BHMT2: variants seen among roughly 807,000 people sequenced by gnomAD.
BHMT2 encodes S-methylmethionine--homocysteine S-methyltransferase BHMT2.
BHMT2 carries 28 observed loss-of-function variants against 39.0 expected under a neutral mutation model. The ratio of observed to expected loss-of-function variants is 0.72; its 90% CI spans 0.53 to 0.98. The LOEUF is 0.98. Ranked by LOEUF, BHMT2 falls within the 50% of genes least tolerant of loss-of-function variation. BHMT2 has a pLI of 0.00. For synonymous variants in BHMT2, 145 were observed against 160.6 expected, an observed-to-expected ratio of 0.90 and a Z score of 0.74; for missense variants, 410 against 455.6, an observed-to-expected ratio of 0.90 and a Z score of 0.91.
At chr5:79,081,926 G>A (rs1414651905) in intron 4 of BHMT2, among the ~76,000 whole-genome samples, 1 of 152,100 alleles carries the variant, frequency 6.6e-6, no homozygotes, top group East Asian at 1.9e-4. Context: ...GAACTCTACT[G>A]AAAACCTTGC....
At position 79,088,494 on chromosome 5, in the gene BHMT2, G is replaced by C. The variant is rs2112707604; in HGVS notation, c.1012G>C (p.Ala338Pro). 6.2e-7 allele frequency: 1 copy of C among 1,613,292 alleles called. No homozygotes were observed. The highest frequency in any genetic ancestry group is 1.1e-5 in the South Asian group (1 of 91,020). The change falls in exon 8 of 8, where the codon GCT (alanine) becomes CCT (proline). Residue 338 changes from alanine (A) to proline (P), a missense_variant and splice_region_variant. Coordinates refer to ENST00000255192, the MANE Select transcript of BHMT2 (RefSeq NM_017614.5). ...AATTATGTATATATTGAAACACAGGGCTCGAAGGGAGTATTGGGAGAATCT... is the reference window on the plus strand; with the variant it reads ...AATTATGTATATATTGAAACACAGGCCTCGAAGGGAGTATTGGGAGAATCT... ...MHTKPWIRARARREYWENLLP... is the reference protein window; with the variant it reads ...MHTKPWIRARPRREYWENLLP...
intron 7 of BHMT2, among the ~76,000 whole-genome samples, chr5:79,085,839 G>T (rs1414636009): frequency 1.3e-5 from 2 of 152,194 alleles, no homozygotes; most frequent in African/African-American, 2.4e-5. Flanking sequence ...CCAGCGCGCT[G>T]CTTCTCTTTC....
chr5:79,084,476 G>A (rs1191373634), intron 7 of BHMT2, among the ~76,000 whole-genome samples: 1 of 152,070 alleles, frequency 6.6e-6, no homozygotes, highest in Non-Finnish European at 1.5e-5. Flanking sequence ...GTTTCACTAT[G>A]TTACCCAGGC....
chr5:79,069,996 T>C (rs1295087790), intron 1 of BHMT2, among the ~76,000 whole-genome samples, 181 bp downstream of exon 1: 1 of 152,188 alleles, frequency 6.6e-6, no homozygotes, highest in Non-Finnish European at 1.5e-5. Flanking sequence ...GAGCCCTTAC[T>C]CGGTGCCTGG....
At position 79,088,475 on chromosome 5, in the gene BHMT2, GTA is replaced by G; in HGVS notation, c.1011-12_1011-11del. 1 of 1,599,390 alleles carries G rather than the reference GTA, an allele frequency of 6.3e-7. No homozygotes were observed. On this transcript the variant is annotated splice_polypyrimidine_tract_variant and intron_variant, in intron 7 of 7. Coordinates refer to ENST00000255192, the MANE Select transcript of BHMT2 (RefSeq NM_017614.5). ...GTAAGACTTTTAATTAATTAATTAT[GTA>G]TATATTGAAACACAGGGCTCGAAGG...
chr5:79,086,998 ATGTGTG>A (rs376885057), intron 7 of BHMT2, among the ~76,000 whole-genome samples: 16 of 125,390 alleles, frequency 1.3e-4, no homozygotes, highest in African/African-American at 4.9e-4. Flanking sequence ...TTGTGTATGT[ATGTGTG>A]TGTGTGTGTG....
At position 79,089,814 on chromosome 5, in the gene BHMT2, CA is replaced by C. The variant is rs531982930; in HGVS notation, c.*1245del. On this transcript the variant is annotated 3_prime_UTR_variant, in exon 8 of 8. Transcript: ENST00000255192. ...AACCCCATCTCTACTAAATAAAATACAAAAATTATCCAGGCATGGTGGTGCA... is the reference window on the plus strand; with the variant it reads ...AACCCCATCTCTACTAAATAAAATACAAAATTATCCAGGCATGGTGGTGCA... Among the ~76,000 whole-genome samples, 488 of 152,228 alleles carry C rather than the reference CA, an allele frequency of 3.2e-3. 1 individual carries two copies. Among genetic ancestry groups the C allele is most frequent in the Non-Finnish European group, 4.9e-3 (333 of 68,006 alleles).
intron 1 of BHMT2, among the ~76,000 whole-genome samples, chr5:79,075,273 A>G (rs1483151210): frequency 2.6e-5 from 4 of 152,134 alleles, no homozygotes; most frequent in Non-Finnish European, 5.9e-5. Context: ...CTCTGTAAAA[A>G]AGAGTCCCCC....
chr5:79,081,337 T>G (rs144818229), intron 4 of BHMT2, among the ~76,000 whole-genome samples: 1 of 152,314 alleles, frequency 6.6e-6, no homozygotes, highest in East Asian at 1.9e-4. Flanking sequence ...TTCCATAGCC[T>G]TCTCCATCCA....
At chr5:79,082,772 A>G (rs2112701716) in intron 4 of BHMT2, 37 bp from the exon 5 acceptor site, 1 of 1,604,574 alleles carries the variant, frequency 6.2e-7, no homozygotes, top group Non-Finnish European at 8.5e-7. Context: ...AATCTGCTTT[A>G]TGTTTGGACC....
intron 2 of BHMT2, 76 bp from the exon 3 acceptor site, chr5:79,079,293 T>G: frequency 9.0e-7 from 1 of 1,116,370 alleles, no homozygotes; most frequent in Non-Finnish European, 1.3e-6. Flanking sequence ...GAGCTACTGC[T>G]GCTTTTGAAA....
chr5:79,073,053 TC>T (rs373833853), intron 1 of BHMT2, among the ~76,000 whole-genome samples: 8 of 147,338 alleles, frequency 5.4e-5, no homozygotes, highest in African/African-American at 2.0e-4. Context: ...AACTTCCAAC[TC>T]CCAGGTTCAA....
intron 3 of BHMT2, among the ~76,000 whole-genome samples, chr5:79,080,122 G>GA (rs1755757042): frequency 6.6e-6 from 1 of 152,158 alleles, no homozygotes; most frequent in African/African-American, 2.4e-5. Context: ...GTAGAAATGA[G>GA]AAAAAACGGG....
chr5:79,079,467 G>T lies in BHMT2; in HGVS notation c.258+7G>T. On this transcript the variant is annotated splice_region_variant and intron_variant, in intron 3 of 7. Coordinates refer to ENST00000255192, the MANE Select transcript of BHMT2 (RefSeq NM_017614.5). ...GGACAATATGGAAAGCAAGGTAAAC[G>T]GCAATGGCTGGGTGTGGGGGAGGGA... The T allele has an allele frequency of 6.2e-7, 1 of 1,601,566 alleles. No individual in the cohort carries two copies. The highest frequency in any genetic ancestry group is 1.1e-5 in the South Asian group (1 of 90,488).
Position 79,079,425 on chromosome 5 carries a change from A to G in BHMT2, c.223A>G (p.Thr75Ala). ...AGGATCAAATGTCATGCAGACTTTT[A>G]CCTTTTCTGCCAGTGAGGACAATAT... ...RAGSNVMQTF[T>A]FSASEDNMES... is the part of the protein sequence containing the mutation. Residue 75 changes from threonine to alanine, a missense_variant, in exon 3 of 8, where the codon ACC becomes GCC. By Grantham distance (58) the Thr-to-Ala change is moderately conservative. Coordinates refer to ENST00000255192, the MANE Select transcript of BHMT2 (RefSeq NM_017614.5). 1 of 1,614,022 alleles carries G rather than the reference A, an allele frequency of 6.2e-7. No individual in the cohort carries two copies. Among genetic ancestry groups the G allele is most frequent in the South Asian group, 1.1e-5 (1 of 91,064 alleles).
At chr5:79,081,419 A>G (rs1442845969) in intron 4 of BHMT2, among the ~76,000 whole-genome samples, 2 of 152,230 alleles carry the variant, frequency 1.3e-5, no homozygotes, top group Non-Finnish European at 2.9e-5. Context: ...AGAAAGAATC[A>G]GTAAGAATTG....
chr5:79,088,644 T>C lies in BHMT2; in HGVS notation c.*70T>C, dbSNP rs1755955949. The C allele has an allele frequency of 3.2e-6, 4 of 1,231,982 alleles. No homozygotes were observed. The South Asian group carries it at 5.1e-5, about 16-fold the overall frequency. 76.3% of individuals were successfully genotyped at this position (1,231,982 alleles called of 1,614,324 possible). ...TGCCCTCAAGCCTGACCTGGAACCG[T>C]TCCTCACCTTCATCCTCACCATGCC... is the stretch of plus-strand genomic sequence containing the variant. On this transcript the variant is annotated 3_prime_UTR_variant, in exon 8 of 8. Transcript: ENST00000255192.
At position 79,086,673 on chromosome 5, in the gene BHMT2, G is replaced by A. The variant is rs186195878; in HGVS notation, c.1011-1820G>A. On this transcript the variant is annotated intron_variant, in intron 7 of 7. Transcript: ENST00000255192. ...ATGAATTTTCTTCTCTTGCATTCCC[G>A]TGGATATATTGTCCAAATCCATGCC... 2.6e-4 allele frequency among the ~76,000 whole-genome samples: 39 copies of A among 152,148 alleles called. 1 individual carries two copies. The highest frequency in any genetic ancestry group is 8.4e-4 in the African/African-American group (35 of 41,512).
At chr5:79,082,353 T>C (rs1414322725) in intron 4 of BHMT2, 2 of 155,844 alleles carry the variant, frequency 1.3e-5, no homozygotes, top group Non-Finnish European at 2.8e-5. Context: ...GGAGCACTTA[T>C]GAATATCTAA....
Sources: gnomAD v4.1 joint callset for allele counts (sites outside exome capture counted in the v4.1 genomes callset) on GRCh38, gnomAD v4.1.1 for gene constraint, MANE v1.5 for transcripts, NCBI Gene and HGNC (gene_info 2026-07-23, HGNC 2026-07-21) for gene names.